CNKSR2: variants seen among roughly 807,000 people sequenced by gnomAD.
The protein encoded by CNKSR2 is CNK homolog protein 2.
A neutral mutation model predicts 84.4 loss-of-function variants in CNKSR2; 14 were observed. The ratio of observed to expected loss-of-function variants is 0.17; its 90% CI spans 0.11 to 0.26. The LOEUF (loss-of-function observed/expected upper bound fraction) is 0.26, where lower values mean the gene tolerates loss of function less well. CNKSR2 is among the 10% of genes least tolerant of loss of function. The pLI is 1.00. For synonymous variants in CNKSR2, 275 were observed against 277.9 expected (o/e 0.99, Z 0.10); for missense variants, 485 against 771.2 (o/e 0.63, Z 4.40).
rs187650938 is a variant in CNKSR2 at position 21,497,553 on chromosome X, T to C, written c.682-234T>C. ...TTATCAGTCTCACAGGCAATTCACT[T>C]ATCAAGTAGTTATTTAATTGAGTAT... On this transcript the variant is annotated intron_variant, in intron 6 of 21. Coordinates refer to ENST00000379510, the MANE Select transcript of CNKSR2 (RefSeq NM_014927.5). 3.2e-4 allele frequency among the ~76,000 whole-genome samples: 36 copies of C among 111,618 alleles called. No homozygotes were observed. The Admixed American group carries it at 3.2e-3, about 10-fold the overall frequency.
At chrX:21,585,161 T>C (rs1480941820) in intron 13 of CNKSR2, among the ~76,000 whole-genome samples, 2 of 108,507 alleles carry the variant, frequency 1.8e-5, no homozygotes, top group East Asian at 5.7e-4. Context: ...GAGGATCACT[T>C]GAGCCCAGGA....
Position 21,470,809 on chromosome X carries a change from T to C in CNKSR2, c.561+2T>C. 1.0e-6 allele frequency: 1 copy of C among 988,531 alleles called. No homozygotes were observed. The highest frequency in any genetic ancestry group is 2.4e-5 in the South Asian group (1 of 40,980). The allele number at this position is 988,531 out of a possible 1,213,427, so 81.5% of individuals were successfully genotyped here. Reference sequence around the variant, plus strand: ...ACAGAGAATAAAATTCTTCACGTGGTGAGTATACTTGGATTTATTTTAATC... The same window carrying C: ...ACAGAGAATAAAATTCTTCACGTGGCGAGTATACTTGGATTTATTTTAATC... On this transcript the variant is annotated splice_donor_variant, in intron 5 of 21. Transcript: ENST00000379510. LOFTEE classifies it high-confidence loss of function.
At chrX:21,454,788 T>C (rs1035845262) in intron 4 of CNKSR2, among the ~76,000 whole-genome samples, 1 of 112,105 alleles carries the variant, frequency 8.9e-6, no homozygotes, top group African/African-American at 3.2e-5. Context: ...TATTTTACAA[T>C]TTATGAAGTA....
intron 11 of CNKSR2, among the ~76,000 whole-genome samples, chrX:21,561,138 G>A (rs189178726): frequency 9.6e-6 from 1 of 103,752 alleles, no homozygotes; most frequent in Non-Finnish European, 2.0e-5. Context: ...AAATAAGATA[G>A]AGATCCAGTT....
At position 21,374,621 on chromosome X, in the gene CNKSR2, A is replaced by AGCAGCAGCAGCCGCCGCC. The variant is rs2089774096; in HGVS notation, c.-274_-257dup. ...CAGCAGCAGCAGCAGCAGCAGCAGC[A>AGCAGCAGCAGCCGCCGCC]GCAGCAGCAGCCGCCGCCGCCGCCG... is the stretch of plus-strand genomic sequence containing the variant. On this transcript the variant is annotated 5_prime_UTR_variant, in exon 1 of 22. Coordinates refer to ENST00000379510, the MANE Select transcript of CNKSR2 (RefSeq NM_014927.5). The AGCAGCAGCAGCCGCCGCC allele has an allele frequency of 3.9e-6, 2 of 507,724 alleles. No homozygotes were observed. The highest frequency in any genetic ancestry group is 6.9e-6 in the Non-Finnish European group (2 of 290,502). 41.8% of individuals were successfully genotyped at this position (507,724 alleles called of 1,213,427 possible).
intron 1 of CNKSR2, chrX:21,424,210 A>G (rs145301819): frequency 4.9e-4 from 55 of 111,589 alleles, no homozygotes; most frequent in African/African-American, 1.4e-3. Context: ...GTAATCTTCT[A>G]AAGGAATATT....
chrX:21,609,714 T>G lies in CNKSR2; in HGVS notation c.2692+97T>G, dbSNP rs1012722767. On this transcript the variant is annotated intron_variant, in intron 20 of 21. Transcript: ENST00000379510. ...AAAATAGAACCTTGCTTCCCTTTTTTCTTAAAATAATAGTATTGCTATATA... is the reference window on the plus strand; with the variant it reads ...AAAATAGAACCTTGCTTCCCTTTTTGCTTAAAATAATAGTATTGCTATATA... 8 of 1,044,359 alleles carry G rather than the reference T, an allele frequency of 7.7e-6. No individual in the cohort carries two copies. In the African/African-American group the frequency reaches 1.3e-4, roughly 17 times the overall value. 86.1% of individuals were successfully genotyped at this position (1,044,359 alleles called of 1,213,427 possible).
At chrX:21,470,961 G>C in intron 5 of CNKSR2, 154 bp downstream of exon 5, 1 of 258,412 alleles carries the variant, frequency 3.9e-6, no homozygotes, top group Non-Finnish European at 7.2e-6. Flanking sequence ...AACAAGTTAC[G>C]TTAGTTATAA....
At chrX:21,502,622 G>T (rs1026737583) in intron 8 of CNKSR2, among the ~76,000 whole-genome samples, 6 of 110,728 alleles carry the variant, frequency 5.4e-5, no homozygotes, top group Admixed American at 9.6e-5. Flanking sequence ...TTTCAATTTT[G>T]GTTTTGAATA....
chrX:21,609,287 C>A lies in CNKSR2; in HGVS notation c.2362C>A (p.Pro788Thr). ...AGGCTTACACTATCTTCAGACTCTG[C>A]CCCTGGAGGATTCTGTCTTCTCTGA... ...SSGLHYLQTL[P>T]LEDSVFSDSA... Residue 788 changes from proline to threonine, a missense_variant, in exon 20 of 22, where the codon CCC (proline) becomes ACC (threonine). Around this residue, in one of 5 missense-constraint regions of CNKSR2, gnomAD observed 210 missense variants for 291.5 expected, o/e 0.72. Transcript: ENST00000379510. The A allele has an allele frequency of 8.3e-7, 1 of 1,211,550 alleles. No individual in the cohort carries two copies.
intron 21 of CNKSR2, among the ~76,000 whole-genome samples, chrX:21,651,339 G>A (rs189163997): frequency 2.1e-4 from 23 of 111,533 alleles, no homozygotes; most frequent in African/African-American, 7.2e-4. Flanking sequence ...AAGCATAGCT[G>A]GCCAAGCAAC....
intron 4 of CNKSR2, among the ~76,000 whole-genome samples, chrX:21,454,876 G>A (rs925237816): frequency 1.8e-5 from 2 of 111,949 alleles, no homozygotes; most frequent in African/African-American, 6.5e-5. Context: ...TCAGATATAA[G>A]GTAGCAGGCT....
At chrX:21,431,521 C>G (rs187905000) in intron 2 of CNKSR2, among the ~76,000 whole-genome samples, 16 of 111,479 alleles carry the variant, frequency 1.4e-4, no homozygotes, top group African/African-American at 4.9e-4. Flanking sequence ...CTCCCAGGCC[C>G]AAGCAAATTC....
At chrX:21,614,509 G>C (rs1034199172) in intron 20 of CNKSR2, among the ~76,000 whole-genome samples, 5 of 111,130 alleles carry the variant, frequency 4.5e-5, no homozygotes, top group African/African-American at 1.6e-4. Context: ...AGAAAAAATG[G>C]CAGAGAACCT....
At chrX:21,497,940 G>A (rs2091518843) in intron 7 of CNKSR2, 94 bp downstream of exon 7, 1 of 491,576 alleles carries the variant, frequency 2.0e-6, no homozygotes, top group African/African-American at 2.4e-5. Flanking sequence ...AACATCTAAG[G>A]ATAAGGACAT....
intron 4 of CNKSR2, among the ~76,000 whole-genome samples, chrX:21,448,703 TTAA>T (rs1156277941): frequency 8.9e-6 from 1 of 111,732 alleles, no homozygotes. Flanking sequence ...TGTCATAATA[TTAA>T]TATTACTTTT....
intron 4 of CNKSR2, among the ~76,000 whole-genome samples, chrX:21,450,872 G>C (rs1447065657): frequency 1.8e-5 from 2 of 111,618 alleles, no homozygotes; most frequent in South Asian, 7.4e-4. Flanking sequence ...TGCAGTAAAG[G>C]CTCAACTATT....
intron 1 of CNKSR2, among the ~76,000 whole-genome samples, chrX:21,420,603 C>T (rs186608330): frequency 2.7e-5 from 3 of 110,629 alleles, no homozygotes; most frequent in African/African-American, 9.9e-5. Flanking sequence ...GGCCCAAGGG[C>T]TCTTCAGTTA....
chrX:21,539,610 G>A (rs927070690), intron 11 of CNKSR2, among the ~76,000 whole-genome samples: 1 of 110,613 alleles, frequency 9.0e-6, no homozygotes, highest in Non-Finnish European at 1.9e-5. Context: ...CTGTGCATCT[G>A]GTGAAGCAGT....
Sources: gnomAD v4.1 joint callset for allele counts (sites outside exome capture counted in the v4.1 genomes callset) on GRCh38, gnomAD v4.1.1 for gene constraint, gnomAD v4.1.1 regional missense constraint, MANE v1.5 for transcripts, NCBI Gene and HGNC (gene_info 2026-07-23, HGNC 2026-07-21) for gene names.